The following FLT4 variants were observed in gnomAD, a reference collection of about 807,000 sequenced individuals.
FLT4 encodes fms related receptor tyrosine kinase 4, also known as vascular endothelial growth factor receptor 3.
In FLT4, 30 loss-of-function variants were observed where a neutral mutation model predicts 163.2. That is an observed-to-expected ratio of 0.18 (90% CI 0.14 to 0.25). The LOEUF (loss-of-function observed/expected upper bound fraction) is 0.25, where lower values mean the gene tolerates loss of function less well. Ranked by LOEUF, FLT4 falls within the 10% of genes least tolerant of loss-of-function variation. The pLI is 1.00. For missense variants in FLT4, 1,510 were observed against 1,863.8 expected (o/e 0.81, Z 3.50); for synonymous variants, 884 against 789.5 (o/e 1.12, Z -2.01).
chr5:180,634,016 T>C (rs114538664), intron 1 of FLT4, among the ~76,000 whole-genome samples: 5 of 152,102 alleles, frequency 3.3e-5, no homozygotes, highest in Non-Finnish European at 5.9e-5. Context: ...CAGCTTCCTC[T>C]GATGGCTCCC....
intron 1 of FLT4, among the ~76,000 whole-genome samples, chr5:180,637,157 C>G (rs1309058211): frequency 6.6e-6 from 1 of 151,924 alleles, no homozygotes; most frequent in African/African-American, 2.4e-5. Context: ...ATGGTGAACC[C>G]CATCTCTACT....
In FLT4 at chr5:180,616,911, C is replaced by A; in HGVS notation, c.3085G>T (p.Ala1029Ser). 6.2e-7 allele frequency: 1 copy of A among 1,613,208 alleles called. No homozygotes were observed. The highest frequency in any genetic ancestry group is 1.1e-5 in the South Asian group (1 of 91,078). Residue 1029 changes from alanine to serine, a missense_variant, in exon 22 of 30, where the codon GCT becomes TCT. Ala to Ser is a moderately conservative substitution (Grantham distance 99, BLOSUM62 1). This residue lies in a region of FLT4 where 878 missense variants were observed against 1,016.7 expected (regional missense o/e 0.86). Coordinates refer to ENST00000261937, the MANE Select transcript of FLT4 (RefSeq NM_182925.5). ...CGGGGGAAGCTCACCTTTCGGGAAG[C>A]CAGGAACTCCATCCCTCTGGCCACC... Reference protein sequence around the residue: ...FQVARGMEFLASRKCIHRDLA... With the variant: ...FQVARGMEFLSSRKCIHRDLA...
chr5:180,619,499 G>C (rs531618393), intron 18 of FLT4, 133 bp from the exon 19 acceptor site: 6 of 927,050 alleles, frequency 6.5e-6, no homozygotes, highest in Middle Eastern at 2.1e-4. Flanking sequence ...AGGCAGAGGG[G>C]GTTCGGGTGG....
At position 180,623,979 on chromosome 5, in the gene FLT4, C is replaced by T. The variant is rs139272488; in HGVS notation, c.1504G>A (p.Glu502Lys). 3.1e-5 allele frequency: 50 copies of T among 1,613,488 alleles called. No homozygotes were observed. Among genetic ancestry groups the T allele is most frequent in the Non-Finnish European group, 3.8e-5 (45 of 1,180,000 alleles). ...AACTCGGTCCAGGTGTCCAGGCTCT[C>T]GATGGGGTTCACGGCATCCTGCGTG... ...VTTQDAVNPIESLDTWTEFVE... is the reference protein window; with the variant it reads ...VTTQDAVNPIKSLDTWTEFVE... The change falls in exon 11 of 30, where the codon GAG (glutamate) becomes AAG (lysine). Residue 502 changes from glutamate to lysine, a missense_variant. By Grantham distance (56) the Glu-to-Lys change is moderately conservative (BLOSUM62 1). Around this residue, in one of 5 missense-constraint regions of FLT4, gnomAD observed 878 missense variants for 1,016.7 expected, o/e 0.86. Coordinates refer to ENST00000261937, the MANE Select transcript of FLT4 (RefSeq NM_182925.5). The surrounding 1 kb of genome is among the most constrained non-coding windows in gnomAD (Gnocchi z 5.8).
rs201336964 is a variant in FLT4 at position 180,603,244 on chromosome 5, T to C, written c.4040A>G (p.Asp1347Gly). 1.7e-5 allele frequency: 28 copies of C among 1,614,156 alleles called. No homozygotes were observed. In the African/African-American group the frequency reaches 2.5e-4, roughly 15 times the overall value. ...CACGCGGGCAGACGGGGAGCAGTGGTCCTCCTCGCTTGGCTCCGACAGCTC... is the reference window on the plus strand; with the variant it reads ...CACGCGGGCAGACGGGGAGCAGTGGCCCTCCTCGCTTGGCTCCGACAGCTC... Reference protein sequence around the residue: ...YGELSEPSEEDHCSPSARVTF... With the variant: ...YGELSEPSEEGHCSPSARVTF... The change falls in exon 30 of 30, where the codon GAC becomes GGC. Residue 1347 changes from aspartate (D) to glycine (G), a missense_variant. Asp to Gly is a moderately conservative substitution (Grantham distance 94). Around this residue, in one of 5 missense-constraint regions of FLT4, gnomAD observed 295 missense variants for 311.0 expected, o/e 0.95. Transcript: ENST00000261937.
intron 10 of FLT4, among the ~76,000 whole-genome samples, chr5:180,625,089 A>C (rs1477853664): frequency 6.6e-6 from 1 of 152,194 alleles, no homozygotes; most frequent in Non-Finnish European, 1.5e-5. Flanking sequence ...AGCCACAGCC[A>C]GTGGGGCTAC....
At chr5:180,649,429 C>T (rs1388193706) in intron 1 of FLT4, 59 bp downstream of exon 1, 1 of 1,311,152 alleles carries the variant, frequency 7.6e-7, no homozygotes, top group Non-Finnish European at 1.0e-6. Context: ...CCCAGGTGCG[C>T]GGTACCCCCT....
intron 29 of FLT4, chr5:180,608,371 C>A: frequency 1.4e-6 from 1 of 699,522 alleles, no homozygotes; most frequent in Non-Finnish European, 2.6e-6. Context: ...GACCCTGCCC[C>A]CTTGTCTTGC....
intron 26 of FLT4, chr5:180,611,820 A>G (rs1291952333): frequency 7.5e-6 from 3 of 402,476 alleles, no homozygotes; most frequent in African/African-American, 6.1e-5. Context: ...CAGCCTCGCT[A>G]AGTTCTCCCA....
rs1764701977 is a variant in FLT4, at chr5:180,636,507, T to G, written c.59-4729A>C. 1.8e-5 allele frequency among the ~76,000 whole-genome samples: 2 copies of G among 108,942 alleles called. No individual in the cohort carries two copies. Among genetic ancestry groups the G allele is most frequent in the Non-Finnish European group, 1.9e-5 (1 of 53,814 alleles). 71.5% of individuals were successfully genotyped at this position (108,942 alleles called of 152,430 possible). ...AGCTGTCATCAGCTGCACCCCCCCG[T>G]CACTTCCCCTCATTCTCTGCTGACC... is the stretch of plus-strand genomic sequence containing the variant. On this transcript the variant is annotated intron_variant, in intron 1 of 29. Transcript: ENST00000261937. The surrounding 1 kb of genome is among the most constrained non-coding windows in gnomAD (Gnocchi z 4.3).
At chr5:180,621,053 C>G (rs1484913732) in intron 14 of FLT4, 46 bp from the exon 15 acceptor site, 1 of 1,611,942 alleles carries the variant, frequency 6.2e-7, no homozygotes, top group African/African-American at 1.3e-5. Flanking sequence ...GGTTTGGGAT[C>G]GTCGGCCTCG....
chr5:180,602,720 C>T lies in FLT4; in HGVS notation c.*472G>A, dbSNP rs1249908903. ...CAGGGGTGGGTGAGGCCAGCCAGCC[C>T]TCGTGGGGAGAGTAGCTGTGTGCCT... On this transcript the variant is annotated 3_prime_UTR_variant, in exon 30 of 30. Transcript: ENST00000261937. 2.2e-6 allele frequency: 1 copy of T among 452,900 alleles called. No individual in the cohort carries two copies. Among genetic ancestry groups the T allele is most frequent in the Non-Finnish European group, 3.9e-6 (1 of 258,588 alleles). The allele number at this position is 452,900 out of a possible 1,614,324, so 28.1% of individuals were successfully genotyped here.
In FLT4 at chr5:180,621,738, G is replaced by A. The variant is rs761454059; in HGVS notation, c.1824C>T (p.Leu608=). The stretch of plus-strand genomic sequence containing the variant: ...CGAACAGATGCACGTTCTTGCAGTC[G>A]AGCAGAAGCGGGTTCCCGTGCGCAT... ...LHDAHGNPLL[L]DCKNVHLFAT... The change falls in exon 13 of 30, where the codon CTC becomes CTT. Residue 608 remains leucine, a synonymous_variant. Transcript: ENST00000261937. 21 of 1,612,916 alleles carry A rather than the reference G, an allele frequency of 1.3e-5. No homozygotes were observed. The highest frequency in any genetic ancestry group is 1.8e-5 in the Non-Finnish European group (21 of 1,179,970).
intron 29 of FLT4, among the ~76,000 whole-genome samples, chr5:180,605,698 A>C (rs1379204098): frequency 6.6e-6 from 1 of 152,162 alleles, no homozygotes; most frequent in African/African-American, 2.4e-5. Context: ...AGGCTCATAC[A>C]CGTCCCGTAT....
At chr5:180,622,232 C>T (rs1159382998) in intron 12 of FLT4, among the ~76,000 whole-genome samples, 1 of 152,110 alleles carries the variant, frequency 6.6e-6, no homozygotes, top group Non-Finnish European at 1.5e-5. Flanking sequence ...TCCTGTGGCC[C>T]CCCAGCCCCC....
intron 1 of FLT4, among the ~76,000 whole-genome samples, chr5:180,642,676 T>C (rs996786730): frequency 5.9e-5 from 9 of 152,000 alleles, no homozygotes; most frequent in African/African-American, 2.2e-4. Context: ...CCAGCCCACA[T>C]CCAACACTGG....
chr5:180,622,039 C>A (rs1049492219), intron 12 of FLT4, 135 bp from the exon 13 acceptor site: 2 of 1,017,162 alleles, frequency 2.0e-6, no homozygotes, highest in African/African-American at 1.6e-5. Flanking sequence ...GCTTGCCCCC[C>A]GCCCCACCAA....
In FLT4 at chr5:180,649,588, C is replaced by G. The variant is rs1230279925; in HGVS notation, c.-43G>C. 1.5e-6 allele frequency: 2 copies of G among 1,297,664 alleles called. No homozygotes were observed. The highest frequency in any genetic ancestry group is 1.8e-5 in the South Asian group (1 of 54,790). 80.4% of individuals were successfully genotyped at this position (1,297,664 alleles called of 1,614,324 possible). On this transcript the variant is annotated 5_prime_UTR_variant, in exon 1 of 30. Transcript: ENST00000261937. Reference sequence around the variant, plus strand: ...GGGTCCGACCCGAGCGGCCGCGGCTCGGGGCTGAAAGTGTCCGCGCGGGCG... The same window carrying G: ...GGGTCCGACCCGAGCGGCCGCGGCTGGGGGCTGAAAGTGTCCGCGCGGGCG...
At chr5:180,631,824 C>T (rs1403148333) in intron 1 of FLT4, 46 bp from the exon 2 acceptor site, 3 of 1,367,456 alleles carry the variant, frequency 2.2e-6, no homozygotes, top group South Asian at 1.2e-5. Context: ...TGTGACTTGG[C>T]ACGACGTTGA....
Sources: allele counts gnomAD v4.1 joint callset (sites outside exome capture counted in the v4.1 genomes callset), GRCh38; gene constraint gnomAD v4.1.1; regional missense constraint gnomAD v4.1.1; non-coding constraint Gnocchi (gnomAD v3.1); transcripts MANE v1.5; gene names NCBI Gene and HGNC (gene_info 2026-07-23, HGNC 2026-07-21).